The following MAP2K2 variants were observed in gnomAD, a reference collection of about 807,000 sequenced individuals.
The protein encoded by MAP2K2 is mitogen-activated protein kinase kinase 2.
MAP2K2 carries 24 observed loss-of-function variants against 43.7 expected under a neutral mutation model. That is an observed-to-expected ratio of 0.55 (90% CI 0.40 to 0.77). The LOEUF is 0.77. Among genes scored for constraint, MAP2K2 ranks in the 30% least tolerant of loss-of-function variants. The pLI, the probability that MAP2K2 is intolerant of heterozygous loss-of-function variation, is 0.00. For synonymous variants in MAP2K2, 244 were observed against 239.7 expected (o/e 1.02, Z -0.17); for missense variants, 470 against 566.8 (o/e 0.83, Z 1.73).
At chr19:4,098,594 T>G (rs1455364515) in intron 7 of MAP2K2, among the ~76,000 whole-genome samples, 1 of 152,144 alleles carries the variant, frequency 6.6e-6, no homozygotes, top group Non-Finnish European at 1.5e-5. Context: ...AAGTGTCCGC[T>G]CGGCCCTCTC....
chr19:4,090,960 C>T (rs1017484230), intron 10 of MAP2K2, among the ~76,000 whole-genome samples: 10 of 152,218 alleles, frequency 6.6e-5, no homozygotes, highest in Admixed American at 6.5e-4. Context: ...ACCACCAGCA[C>T]GGCAGCCTGC....
At chr19:4,117,380 C>T (rs1425593143) in intron 2 of MAP2K2, 39 bp downstream of exon 2, 12 of 1,588,314 alleles carry the variant, frequency 7.6e-6, no homozygotes, top group African/African-American at 2.7e-5. Context: ...GGGGACCTTC[C>T]CCACCACTCC....
intron 10 of MAP2K2, among the ~76,000 whole-genome samples, chr19:4,092,592 GA>G (rs936026616): frequency 2.7e-5 from 4 of 150,438 alleles, no homozygotes; most frequent in Non-Finnish European, 5.9e-5. Flanking sequence ...CCGTCTGAGG[GA>G]AAAAAAAAGT....
chr19:4,100,816 T>G, intron 6 of MAP2K2: 1 of 636,092 alleles, frequency 1.6e-6, no homozygotes, highest in Non-Finnish European at 2.8e-6. Flanking sequence ...CTAACAGCCA[T>G]GTAGGAGTGT....
intron 2 of MAP2K2, among the ~76,000 whole-genome samples, chr19:4,114,595 G>T (rs2041197555): frequency 6.6e-6 from 1 of 152,228 alleles, no homozygotes; most frequent in African/African-American, 2.4e-5. Flanking sequence ...GCTCCAATGG[G>T]AGAGGGGTCA....
Position 4,110,571 on chromosome 19 carries a change from T to C in MAP2K2, c.388A>G (p.Ile130Val), listed in dbSNP as rs1263759203. 6 of 1,613,924 alleles carry C rather than the reference T, an allele frequency of 3.7e-6. No individual in the cohort carries two copies. The highest frequency in any genetic ancestry group is 4.2e-6 in the Non-Finnish European group (5 of 1,180,044). ...TAGAAGGCCCCGTAGAAGCCCACGA[T>C]GTACGGCGAGTTGCATTCGTGCAGG... The part of the protein sequence containing the change: ...QVLHECNSPY[I>V]VGFYGAFYSD... The change falls in exon 3 of 11, where the codon ATC becomes GTC. Residue 130 changes from isoleucine (I) to valine (V), a missense_variant. Coordinates refer to ENST00000262948, the MANE Select transcript of MAP2K2 (RefSeq NM_030662.4).
chr19:4,111,290 A>G (rs1330811304), intron 2 of MAP2K2, among the ~76,000 whole-genome samples: 2 of 152,172 alleles, frequency 1.3e-5, no homozygotes, highest in Non-Finnish European at 2.9e-5. Context: ...TGTGAATTAC[A>G]CCTCAATAAA....
intron 2 of MAP2K2, among the ~76,000 whole-genome samples, chr19:4,112,035 C>A (rs1469860833): frequency 1.3e-5 from 2 of 152,178 alleles, no homozygotes; most frequent in African/African-American, 4.8e-5. Context: ...ATGGACAAGC[C>A]CCAGAAGAGC....
rs1251433138 is a variant in MAP2K2 at position 4,099,212 on chromosome 19, C to A, written c.908G>T (p.Arg303Leu). Residue 303 changes from arginine (R) to leucine (L), a missense_variant, in exon 7 of 11, where the codon CGC (arginine) becomes CTC (leucine). Around this residue, in one of 3 missense-constraint regions of MAP2K2, gnomAD observed 212 missense variants for 220.8 expected, o/e 0.96. Coordinates refer to ENST00000262948, the MANE Select transcript of MAP2K2 (RefSeq NM_030662.4). ...GATTCAGGCCGTACCGCTGACGGGG[C>A]GCCCGGGGGGCCTCGGCCGAGGCGA... is the stretch of plus-strand genomic sequence containing the variant. ...SISPRPRPPGRPVSGHGMDSR... is the reference protein window; with the variant it reads ...SISPRPRPPGLPVSGHGMDSR... The A allele has an allele frequency of 1.9e-6, 3 of 1,602,606 alleles. No homozygotes were observed. The highest frequency in any genetic ancestry group is 2.2e-5 in the South Asian group (2 of 89,766).
At chr19:4,097,233 G>C in intron 8 of MAP2K2, 46 bp downstream of exon 8, 6 of 792,234 alleles carry the variant, frequency 7.6e-6, no homozygotes, top group African/African-American at 2.0e-5. Context: ...AAAAAAGAAA[G>C]AAGAAAGAAA....
chr19:4,112,999 G>C (rs1219545051), intron 2 of MAP2K2, among the ~76,000 whole-genome samples: 1 of 152,212 alleles, frequency 6.6e-6, no homozygotes, highest in Non-Finnish European at 1.5e-5. Flanking sequence ...CGGACTGACC[G>C]CATTTTAAGA....
chr19:4,096,263 G>T (rs1301682989), intron 8 of MAP2K2, among the ~76,000 whole-genome samples: 1 of 152,186 alleles, frequency 6.6e-6, no homozygotes, highest in African/African-American at 2.4e-5. Context: ...TGGCTGCTAG[G>T]TGCAGGGAGA....
chr19:4,112,582 C>T lies in MAP2K2; in HGVS notation c.304-1927G>A, dbSNP rs74172620. Among the ~76,000 whole-genome samples, 1,374 of 152,244 alleles carry T rather than the reference C, an allele frequency of 9.0e-3. 11 individuals are homozygous for T. The highest frequency in any genetic ancestry group is 0.024 in the Middle Eastern group (7 of 294). ...GAGAAGCATGGCAGGGCCCGGGGCACGGTGCCCACCTCCCCCCGCCCGGCC... is the reference window on the plus strand; with the variant it reads ...GAGAAGCATGGCAGGGCCCGGGGCATGGTGCCCACCTCCCCCCGCCCGGCC... On this transcript the variant is annotated intron_variant, in intron 2 of 10. Coordinates refer to ENST00000262948, the MANE Select transcript of MAP2K2 (RefSeq NM_030662.4).
chr19:4,102,342 G>A (rs1410429909), intron 4 of MAP2K2, 34 bp downstream of exon 4: 1 of 1,545,176 alleles, frequency 6.5e-7, no homozygotes, highest in South Asian at 1.2e-5. Context: ...GCAGAGTGCG[G>A]TGGGGGCGCG....
chr19:4,092,399 G>A (rs1288441570), intron 10 of MAP2K2, among the ~76,000 whole-genome samples: 1 of 152,114 alleles, frequency 6.6e-6, no homozygotes, highest in East Asian at 1.9e-4. Flanking sequence ...GACTGGCCTG[G>A]TCAACATGGT....
chr19:4,092,768 A>G lies in MAP2K2; in HGVS notation c.1092+1685T>C, dbSNP rs552482285. 2.8e-4 allele frequency among the ~76,000 whole-genome samples: 42 copies of G among 152,178 alleles called. 1 individual carries two copies. The highest frequency in any genetic ancestry group is 1.8e-3 in the Admixed American group (28 of 15,276). ...ACCACAATGCCCAGCCTGCCTCATT[A>G]AAAAAGAAAAAAAGTCACACATGCC... is the stretch of plus-strand genomic sequence containing the variant. On this transcript the variant is annotated intron_variant, in intron 10 of 10. Transcript: ENST00000262948.
chr19:4,090,573 CGG>C lies in MAP2K2; in HGVS notation c.*23_*24del, dbSNP rs1373452259. 9.8e-6 allele frequency: 15 copies of C among 1,528,816 alleles called. No homozygotes were observed. The Admixed American group carries it at 2.9e-4, about 30-fold the overall frequency. The allele number at this position is 1,528,816 out of a possible 1,614,324, so 94.7% of individuals were successfully genotyped here. A position where few individuals can be genotyped will look rare whatever the true frequency, so the allele number is the denominator to read the frequency against. On this transcript the variant is annotated 3_prime_UTR_variant, in exon 11 of 11. Coordinates refer to ENST00000262948, the MANE Select transcript of MAP2K2 (RefSeq NM_030662.4). ...ACAGGGACGGTGGGCAGGTCACCAG[CGG>C]GACGCAGGGAGCCCGGCCACTGTCA...
chr19:4,109,887 G>A (rs2041132721), intron 3 of MAP2K2, among the ~76,000 whole-genome samples: 1 of 152,208 alleles, frequency 6.6e-6, no homozygotes, highest in African/African-American at 2.4e-5. Flanking sequence ...AGATAGGGCA[G>A]AGACTGGAAA....
At chr19:4,123,526 G>A (rs756468253) in intron 1 of MAP2K2, among the ~76,000 whole-genome samples, 52 of 119,272 alleles carry the variant, frequency 4.4e-4, no homozygotes, top group Non-Finnish European at 7.1e-4. Flanking sequence ...CCCCTGCCCC[G>A]TGCACCCTTC....
Sources: allele counts gnomAD v4.1 joint callset (sites outside exome capture counted in the v4.1 genomes callset), GRCh38; gene constraint gnomAD v4.1.1; regional missense constraint gnomAD v4.1.1; transcripts MANE v1.5; gene names NCBI Gene and HGNC (gene_info 2026-07-23, HGNC 2026-07-21).